Variants in ERBB4 observed in about 807,000 individuals in gnomAD.
ERBB4 encodes the protein receptor tyrosine-protein kinase erbB-4.
A neutral mutation model predicts 158.0 loss-of-function variants in ERBB4; 42 were observed. The ratio of observed to expected loss-of-function variants is 0.27; its 90% CI spans 0.21 to 0.34. The LOEUF (loss-of-function observed/expected upper bound fraction) is 0.34. Ranked by LOEUF, ERBB4 falls within the 10% of genes least tolerant of loss-of-function variation. ERBB4 has a pLI of 1.00. For synonymous variants in ERBB4, 583 were observed against 558.7 expected (o/e 1.04, Z -0.61); for missense variants, 1,333 against 1,624.1 (o/e 0.82, Z 3.08).
intron 20 of ERBB4, among the ~76,000 whole-genome samples, chr2:211,549,057 G>A (rs953292720): frequency 1.1e-4 from 16 of 152,022 alleles, no homozygotes; most frequent in African/African-American, 3.6e-4. Context: ...CTTTCCTTGT[G>A]TAGAAACAGC....
intron 1 of ERBB4, among the ~76,000 whole-genome samples, chr2:212,134,495 A>C (rs1284979829): frequency 6.6e-6 from 1 of 152,028 alleles, no homozygotes; most frequent in East Asian, 1.9e-4. Context: ...TTAGCAAAAT[A>C]GGAAATGTGT....
At chr2:212,454,845 A>G (rs1688197213) in intron 1 of ERBB4, among the ~76,000 whole-genome samples, 1 of 152,002 alleles carries the variant, frequency 6.6e-6, no homozygotes, top group African/African-American at 2.4e-5. Context: ...TTTTGTGAAA[A>G]CCAGCTTGAT....
intron 1 of ERBB4, among the ~76,000 whole-genome samples, chr2:212,510,125 G>A (rs1691426466): frequency 6.8e-6 from 1 of 146,932 alleles, no homozygotes. Context: ...ACACAGAAAG[G>A]TAAGATGTGT....
chr2:212,014,117 T>C (rs1190273482), intron 2 of ERBB4, among the ~76,000 whole-genome samples: 1 of 152,244 alleles, frequency 6.6e-6, no homozygotes, highest in Non-Finnish European at 1.5e-5. Flanking sequence ...CTCAGCGTTG[T>C]CACTGTGCAT....
At position 211,969,771 on chromosome 2, in the gene ERBB4, T is replaced by C. The variant is rs183214351; in HGVS notation, c.235-22155A>G. ...CCATTGTCATTTTTTACTGTGTTTA[T>C]TTGAATTTTCTCTTTTTCTCTTTAT... is the stretch of plus-strand genomic sequence containing the variant. On this transcript the variant is annotated intron_variant, in intron 2 of 27. Coordinates refer to ENST00000342788, the MANE Select transcript of ERBB4 (RefSeq NM_005235.3). 2.1e-3 allele frequency among the ~76,000 whole-genome samples: 312 copies of C among 152,180 alleles called. 1 individual carries two copies. Among genetic ancestry groups the C allele is most frequent in the Non-Finnish European group, 3.3e-3 (222 of 67,948 alleles).
intron 25 of ERBB4, among the ~76,000 whole-genome samples, chr2:211,400,564 C>T (rs1423472612): frequency 1.3e-5 from 2 of 151,438 alleles, no homozygotes; most frequent in Admixed American, 6.6e-5. Flanking sequence ...TCTGTGGGAG[C>T]TAAAAATTAA....
At chr2:212,065,719 G>A (rs2077923683) in intron 2 of ERBB4, among the ~76,000 whole-genome samples, 1 of 151,862 alleles carries the variant, frequency 6.6e-6, no homozygotes, top group South Asian at 2.1e-4. Flanking sequence ...GATCCCTCTG[G>A]GATATCAAGG....
At chr2:211,857,674 A>T (rs2077905472) in intron 3 of ERBB4, among the ~76,000 whole-genome samples, 1 of 152,194 alleles carries the variant, frequency 6.6e-6, no homozygotes, top group Admixed American at 6.5e-5. Flanking sequence ...TTTCAAATAA[A>T]TTATTTGCCA....
chr2:212,119,730 G>A (rs7426206), intron 2 of ERBB4, among the ~76,000 whole-genome samples: 100,081 of 151,968 alleles, frequency 0.66, 34,055 homozygotes, highest in African/African-American at 0.76. Flanking sequence ...AGAAATGCAA[G>A]AACTGGAGGT....
chr2:212,381,138 A>G (rs1474180505), intron 1 of ERBB4, among the ~76,000 whole-genome samples: 1 of 151,432 alleles, frequency 6.6e-6, no homozygotes, highest in Non-Finnish European at 1.5e-5. Flanking sequence ...AATGCTAACA[A>G]GCTTAAAACA....
At chr2:211,816,700 T>A (rs2076887895) in intron 3 of ERBB4, among the ~76,000 whole-genome samples, 1 of 152,140 alleles carries the variant, frequency 6.6e-6, no homozygotes, top group African/African-American at 2.4e-5. Context: ...AAAATAGTTA[T>A]ATCACATAAA....
chr2:212,022,151 ACTCAGCATG>A (rs2076667213), intron 2 of ERBB4, among the ~76,000 whole-genome samples: 1 of 128,682 alleles, frequency 7.8e-6, no homozygotes, highest in Non-Finnish European at 1.8e-5. Context: ...ATACCATTTG[ACTCAGCATG>A]ACTCAGCAAT....
intron 1 of ERBB4, among the ~76,000 whole-genome samples, chr2:212,484,930 C>T (rs1026946893): frequency 4.6e-5 from 7 of 152,182 alleles, no homozygotes; most frequent in African/African-American, 7.2e-5. Context: ...GAACATGACT[C>T]GTTGGACCAA....
intron 1 of ERBB4, among the ~76,000 whole-genome samples, chr2:212,369,263 G>GTGAC (rs2090002377): frequency 6.6e-6 from 1 of 152,182 alleles, no homozygotes; most frequent in South Asian, 2.1e-4. Flanking sequence ...GTGGAGCTGA[G>GTGAC]TGACACTGCT....
chr2:212,033,838 G>A (rs2125355078), intron 2 of ERBB4, among the ~76,000 whole-genome samples: 1 of 151,954 alleles, frequency 6.6e-6, no homozygotes, highest in South Asian at 2.1e-4. Context: ...GTTTACTCAT[G>A]TGTAAAATAG....
At chr2:212,042,617 A>G (rs2077167492) in intron 2 of ERBB4, among the ~76,000 whole-genome samples, 2 of 152,066 alleles carry the variant, frequency 1.3e-5, no homozygotes, top group African/African-American at 4.8e-5. Flanking sequence ...TCTACATAAC[A>G]TTTCCTTTAA....
At chr2:212,156,384 C>T (rs1463696007) in intron 1 of ERBB4, among the ~76,000 whole-genome samples, 1 of 152,052 alleles carries the variant, frequency 6.6e-6, no homozygotes, top group East Asian at 1.9e-4. Context: ...TCACTACAGT[C>T]AAGTGTAATT....
At chr2:211,592,007 C>G (rs1433433336) in intron 19 of ERBB4, among the ~76,000 whole-genome samples, 1 of 152,096 alleles carries the variant, frequency 6.6e-6, no homozygotes, top group African/African-American at 2.4e-5. Flanking sequence ...TTCTCTCGGC[C>G]CCGAAGACGG....
At chr2:212,020,471 A>G (rs186393456) in intron 2 of ERBB4, among the ~76,000 whole-genome samples, 2 of 152,112 alleles carry the variant, frequency 1.3e-5, no homozygotes, top group East Asian at 3.9e-4. Context: ...ATGTTTTCCT[A>G]AGTTTTTTCA....
Sources: allele counts gnomAD v4.1 joint callset (sites outside exome capture counted in the v4.1 genomes callset), GRCh38; gene constraint gnomAD v4.1.1; transcripts MANE v1.5; gene names NCBI Gene and HGNC (gene_info 2026-07-23, HGNC 2026-07-21).